RPS6KC1: variants seen among roughly 807,000 people sequenced by gnomAD.
RPS6KC1 encodes the protein inactive ribosomal protein S6 kinase delta-1.
Under a neutral mutation model 103.8 loss-of-function variants are expected in RPS6KC1, and 54 were observed. The observed-to-expected ratio is 0.52, with a 90% confidence interval of 0.42 to 0.65. RPS6KC1 has a LOEUF of 0.65. RPS6KC1 is among the 30% of genes least tolerant of loss of function. The probability of loss-of-function intolerance (pLI) is 0.00; values close to 1 mark genes in which losing one functional copy is unlikely to be tolerated. For synonymous variants in RPS6KC1, 439 were observed against 438.7 expected (o/e 1.00, Z -0.01); for missense variants, 1,151 against 1,253.8 (o/e 0.92, Z 1.24).
the RPS6KC1 span, among the ~76,000 whole-genome samples, chr1:213,779,143 A>T: frequency 6.6e-6 from 1 of 152,174 alleles, no homozygotes; most frequent in Non-Finnish European, 1.5e-5. Flanking sequence ...AAAAATAAAT[A>T]TTCCCCATTT....
At chr1:213,308,802 T>C in the RPS6KC1 span, among the ~76,000 whole-genome samples, 1 of 152,198 alleles carries the variant, frequency 6.6e-6, no homozygotes, top group Non-Finnish European at 1.5e-5. Context: ...CATCTTTGGC[T>C]CTCAGATAAT....
intron 5 of RPS6KC1, among the ~76,000 whole-genome samples, chr1:213,120,565 C>T (rs910208010): frequency 6.6e-6 from 1 of 151,882 alleles, no homozygotes; most frequent in East Asian, 1.9e-4. Flanking sequence ...CCCACAGGTA[C>T]GCAGTGAAAT....
At chr1:213,412,262 C>A in the RPS6KC1 span, among the ~76,000 whole-genome samples, 1 of 152,150 alleles carries the variant, frequency 6.6e-6, no homozygotes, top group Non-Finnish European at 1.5e-5. Context: ...TAGTTTAAAC[C>A]ATCTGTCTTA....
At chr1:213,647,098 A>G in the RPS6KC1 span, among the ~76,000 whole-genome samples, 1 of 152,086 alleles carries the variant, frequency 6.6e-6, no homozygotes, top group East Asian at 1.9e-4. Flanking sequence ...TTTAGTAGAG[A>G]CAAAGGTTCG....
the RPS6KC1 span, among the ~76,000 whole-genome samples, chr1:213,769,633 G>A: frequency 1.3e-5 from 2 of 151,978 alleles, no homozygotes; most frequent in African/African-American, 4.8e-5. Context: ...CTAAATTGAG[G>A]AATTCCATAT....
the RPS6KC1 span, among the ~76,000 whole-genome samples, chr1:213,795,155 A>G: frequency 2.0e-5 from 3 of 152,196 alleles, no homozygotes; most frequent in African/African-American, 7.2e-5. Flanking sequence ...GCTACCATCT[A>G]CCTATTGATT....
chr1:213,265,644 G>C (rs187569852), intron 14 of RPS6KC1, among the ~76,000 whole-genome samples: 1 of 152,138 alleles, frequency 6.6e-6, no homozygotes, highest in African/African-American at 2.4e-5. Context: ...TTAACAAATC[G>C]TAGCAACTAC....
the RPS6KC1 span, among the ~76,000 whole-genome samples, chr1:213,740,998 T>C: frequency 2.0e-5 from 3 of 149,120 alleles, no homozygotes; most frequent in African/African-American, 7.3e-5. Context: ...CACATATATA[T>C]ATCTCAGATA....
At chr1:213,371,922 A>G in the RPS6KC1 span, among the ~76,000 whole-genome samples, 1 of 152,114 alleles carries the variant, frequency 6.6e-6, no homozygotes, top group African/African-American at 2.4e-5. Flanking sequence ...ATCATCCTGG[A>G]GGGTCTTCAT....
chr1:213,283,189 G>C, the RPS6KC1 span, among the ~76,000 whole-genome samples: 2 of 152,210 alleles, frequency 1.3e-5, no homozygotes, highest in Admixed American at 6.5e-5. Context: ...GGGACTCTGC[G>C]AAACTGAGGC....
At chr1:213,180,665 G>A (rs1025346282) in intron 8 of RPS6KC1, among the ~76,000 whole-genome samples, 8 of 151,912 alleles carry the variant, frequency 5.3e-5, no homozygotes, top group Admixed American at 2.0e-4. Context: ...AGAAATTAGC[G>A]GAAAAAAAAC....
At chr1:213,195,232 T>C (rs1327042032) in intron 8 of RPS6KC1, among the ~76,000 whole-genome samples, 1 of 152,218 alleles carries the variant, frequency 6.6e-6, no homozygotes, top group Non-Finnish European at 1.5e-5. Context: ...TATGAGAATG[T>C]ATACAATTGA....
At chr1:213,248,362 T>A (rs1458459208) in intron 12 of RPS6KC1, among the ~76,000 whole-genome samples, 3 of 152,194 alleles carry the variant, frequency 2.0e-5, no homozygotes, top group Non-Finnish European at 4.4e-5. Context: ...TTGTACATAG[T>A]ATTTTAATGT....
At chr1:213,525,783 A>G in the RPS6KC1 span, among the ~76,000 whole-genome samples, 1 of 152,242 alleles carries the variant, frequency 6.6e-6, no homozygotes, top group African/African-American at 2.4e-5. Flanking sequence ...ATAAGGACTG[A>G]GGACTGATGT....
chr1:213,652,348 CG>C, the RPS6KC1 span, among the ~76,000 whole-genome samples: 1 of 152,218 alleles, frequency 6.6e-6, no homozygotes, highest in African/African-American at 2.4e-5. Flanking sequence ...CTGAGGCACA[CG>C]GAAGTAAAGG....
chr1:213,733,474 C>A, the RPS6KC1 span, among the ~76,000 whole-genome samples: 1 of 150,972 alleles, frequency 6.6e-6, no homozygotes, highest in Non-Finnish European at 1.5e-5. Context: ...TGGGCTCAAG[C>A]GATCATCCTG....
At chr1:213,630,258 A>G in the RPS6KC1 span, among the ~76,000 whole-genome samples, 2 of 152,076 alleles carry the variant, frequency 1.3e-5, no homozygotes, top group Non-Finnish European at 2.9e-5. Flanking sequence ...ATAGTCCCAT[A>G]TTTCTTGGAG....
chr1:213,206,834 C>G (rs2093363430), intron 8 of RPS6KC1, among the ~76,000 whole-genome samples: 1 of 152,080 alleles, frequency 6.6e-6, no homozygotes, highest in Non-Finnish European at 1.5e-5. Flanking sequence ...CTTCTAGGGC[C>G]AGGTGTGGTG....
At chr1:213,638,143 C>G in the RPS6KC1 span, among the ~76,000 whole-genome samples, 1 of 151,974 alleles carries the variant, frequency 6.6e-6, no homozygotes, top group Non-Finnish European at 1.5e-5. Context: ...ATTTACATTC[C>G]CCCAATAGGT....
Sources: allele counts gnomAD v4.1 joint callset (sites outside exome capture counted in the v4.1 genomes callset), GRCh38; gene constraint gnomAD v4.1.1; transcripts MANE v1.5; gene names NCBI Gene and HGNC (gene_info 2026-07-23, HGNC 2026-07-21).